The following ROBO2 variants were observed in gnomAD, a reference collection of about 807,000 sequenced individuals.
The protein encoded by ROBO2 is roundabout homolog 2.
Under a neutral mutation model 160.8 loss-of-function variants are expected in ROBO2, and 53 were observed. The observed-to-expected ratio is 0.33, with a 90% CI of 0.26 to 0.41. The LOEUF (loss-of-function observed/expected upper bound fraction) is 0.41. ROBO2 is among the 10% of genes least tolerant of loss of function. ROBO2 has a pLI of 1.00. For missense variants in ROBO2, 1,577 were observed against 1,722.4 expected, an observed-to-expected ratio of 0.92 and a Z score of 1.49; for synonymous variants, 664 against 611.7, an observed-to-expected ratio of 1.09 and a Z score of -1.26.
intron 2 of ROBO2, among the ~76,000 whole-genome samples, chr3:77,016,007 T>C (rs7622798): frequency 0.29 from 43,746 of 151,768 alleles, 8,558 homozygotes; most frequent in African/African-American, 0.56. Context: ...GACAGAGCCT[T>C]GCTCTGTCGC....
intron 1 of ROBO2, among the ~76,000 whole-genome samples, chr3:75,934,297 T>G (rs935218736): frequency 1.3e-5 from 2 of 152,168 alleles, no homozygotes; most frequent in African/African-American, 4.8e-5. Flanking sequence ...ATTTTAATCT[T>G]TAAAGAGCAA....
At chr3:76,738,149 T>C (rs1339340348) in intron 2 of ROBO2, among the ~76,000 whole-genome samples, 1 of 150,960 alleles carries the variant, frequency 6.6e-6, no homozygotes, top group East Asian at 1.9e-4. Flanking sequence ...AAATAAAAAA[T>C]AAAAAAAAGA....
At chr3:76,888,126 G>A (rs988617854) in intron 2 of ROBO2, among the ~76,000 whole-genome samples, 2 of 152,126 alleles carry the variant, frequency 1.3e-5, no homozygotes, top group African/African-American at 2.4e-5. Context: ...CCAGCACTTC[G>A]GGAGGCCCAG....
intron 2 of ROBO2, among the ~76,000 whole-genome samples, chr3:77,012,670 C>G (rs2061991890): frequency 6.6e-6 from 1 of 152,172 alleles, no homozygotes; most frequent in Admixed American, 6.5e-5. Context: ...TCTTGTAAAT[C>G]AGTGATTCCC....
At chr3:76,871,309 C>A (rs1390630283) in intron 2 of ROBO2, among the ~76,000 whole-genome samples, 1 of 152,068 alleles carries the variant, frequency 6.6e-6, no homozygotes, top group Non-Finnish European at 1.5e-5. Flanking sequence ...AATCCCAGCA[C>A]TTTGGGAGGC....
intron 2 of ROBO2, among the ~76,000 whole-genome samples, chr3:76,912,197 GAATTAGATGCTCCCCAA>G (rs150586700): frequency 0.017 from 2,608 of 152,158 alleles, 71 homozygotes; most frequent in African/African-American, 0.059. Context: ...AGGAAATACT[GAATTAGATGCTCCCCAA>G]AATCCTTTAA....
intron 2 of ROBO2, among the ~76,000 whole-genome samples, chr3:76,642,783 G>T (rs1030597827): frequency 2.0e-5 from 3 of 152,138 alleles, no homozygotes; most frequent in Admixed American, 6.5e-5. Flanking sequence ...TTCTTCTGCA[G>T]CAATTGTCCA....
chr3:76,079,863 G>T (rs1287007164), intron 2 of ROBO2, among the ~76,000 whole-genome samples: 1 of 152,010 alleles, frequency 6.6e-6, no homozygotes, highest in Non-Finnish European at 1.5e-5. Context: ...AAGGAAGAAA[G>T]AAATTTCTAC....
At chr3:77,016,769 T>C (rs2062290730) in intron 2 of ROBO2, among the ~76,000 whole-genome samples, 1 of 152,132 alleles carries the variant, frequency 6.6e-6, no homozygotes, top group Admixed American at 6.5e-5. Flanking sequence ...GAAGTATACG[T>C]CACTAAAATC....
At chr3:77,426,866 T>G (rs959530726) in intron 2 of ROBO2, among the ~76,000 whole-genome samples, 2 of 152,150 alleles carry the variant, frequency 1.3e-5, no homozygotes, top group African/African-American at 2.4e-5. Context: ...AAAAAGAAAA[T>G]GATTAAAAAT....
rs1361909059 is a variant in ROBO2 at position 77,436,486 on chromosome 3, G to A, written c.389-40928G>A. On this transcript the variant is annotated intron_variant, in intron 2 of 25. Coordinates refer to ENST00000461745, the Ensembl canonical transcript of ROBO2. Reference sequence around the variant, plus strand: ...CTACACATTTTATTTTCTTGGGCTTGTTACATTTTAAGAGCAAAAGTAGGT... The same window carrying A: ...CTACACATTTTATTTTCTTGGGCTTATTACATTTTAAGAGCAAAAGTAGGT... 3.3e-5 allele frequency among the ~76,000 whole-genome samples: 5 copies of A among 151,590 alleles called. No homozygotes were observed. The East Asian group carries it at 7.8e-4, about 24-fold the overall frequency.
chr3:76,458,992 G>GT (rs2077937412), intron 2 of ROBO2, among the ~76,000 whole-genome samples: 1 of 152,172 alleles, frequency 6.6e-6, no homozygotes, highest in Non-Finnish European at 1.5e-5. Context: ...AATAGGGCTG[G>GT]TGCTGTATAC....
intron 2 of ROBO2, among the ~76,000 whole-genome samples, chr3:76,723,368 A>T (rs2093495227): frequency 6.6e-6 from 1 of 152,172 alleles, no homozygotes; most frequent in Non-Finnish European, 1.5e-5. Context: ...AAATATGAGT[A>T]GTGCACCATC....
chr3:77,013,594 T>A (rs916358402), intron 2 of ROBO2, among the ~76,000 whole-genome samples: 3 of 152,154 alleles, frequency 2.0e-5, no homozygotes, highest in Admixed American at 6.5e-5. Context: ...TAGATAATGC[T>A]CATTGTTGCT....
intron 2 of ROBO2, among the ~76,000 whole-genome samples, chr3:76,575,178 C>T (rs1578254932): frequency 6.6e-6 from 1 of 152,148 alleles, no homozygotes; most frequent in South Asian, 2.1e-4. Context: ...ATCCTTCTGC[C>T]TCAAAAACTC....
chr3:77,322,401 T>C (rs1219807909), intron 2 of ROBO2, among the ~76,000 whole-genome samples: 1 of 152,122 alleles, frequency 6.6e-6, no homozygotes, highest in African/African-American at 2.4e-5. Context: ...TTAAGCATAA[T>C]CAAAAGTTCT....
At chr3:77,561,750 C>T (rs748179150) in intron 9 of ROBO2, among the ~76,000 whole-genome samples, 6 of 152,040 alleles carry the variant, frequency 3.9e-5, no homozygotes, top group Non-Finnish European at 8.8e-5. Flanking sequence ...TTTTCCACTA[C>T]TGCAATTTAC....
At chr3:76,384,903 C>G (rs1321744559) in intron 2 of ROBO2, among the ~76,000 whole-genome samples, 1 of 152,182 alleles carries the variant, frequency 6.6e-6, no homozygotes, top group East Asian at 1.9e-4. Context: ...CCAAACCCTA[C>G]CAGTGCATGA....
At position 76,534,301 on chromosome 3, in the gene ROBO2, T is replaced by A. The variant is rs182632387; in HGVS notation, c.110-563713T>A. Among the ~76,000 whole-genome samples, 119 of 152,188 alleles carry A rather than the reference T, an allele frequency of 7.8e-4. 2 individuals are homozygous for A. Among genetic ancestry groups the A allele is most frequent in the African/African-American group, 2.6e-3 (110 of 41,512 alleles). ...TGAGCTTGGAACTGCCCTAATAAAA[T>A]AAGTTCTCTAAGAACAGTAATCAGG... On this transcript the variant is annotated intron_variant, in intron 2 of 26. Transcript: ENST00000487694.
Sources: allele counts gnomAD v4.1 joint callset (sites outside exome capture counted in the v4.1 genomes callset), GRCh38; gene constraint gnomAD v4.1.1; transcripts MANE v1.5; gene names NCBI Gene and HGNC (gene_info 2026-07-23, HGNC 2026-07-21).